The following CUX1 variants were observed in gnomAD, a reference collection of about 807,000 sequenced individuals.
The protein encoded by CUX1 is protein CASP.
Under a neutral mutation model 158.8 loss-of-function variants are expected in CUX1, and 31 were observed. The observed-to-expected ratio is 0.20, with a 90% CI of 0.15 to 0.26. The LOEUF is 0.26. Ranked by LOEUF, CUX1 falls within the 10% of genes least tolerant of loss-of-function variation. CUX1 has a pLI of 1.00. For synonymous variants in CUX1, 879 were observed against 862.1 expected, an observed-to-expected ratio of 1.02 and a Z score of -0.34; for missense variants, 1,589 against 2,014.6, an observed-to-expected ratio of 0.79 and a Z score of 4.04.
chr7:101,955,470 G>A (rs2129165501), intron 2 of CUX1, among the ~76,000 whole-genome samples: 1 of 152,306 alleles, frequency 6.6e-6, no homozygotes, highest in African/African-American at 2.4e-5. Flanking sequence ...CATTCAGCCA[G>A]AGAGTAACCG....
At chr7:102,151,422 G>T (rs1035262991) in intron 8 of CUX1, among the ~76,000 whole-genome samples, 1 of 151,990 alleles carries the variant, frequency 6.6e-6, no homozygotes, top group Non-Finnish European at 1.5e-5. Context: ...GTGTGGTGGC[G>T]CATACCTGTA....
At chr7:102,048,425 C>T (rs889695061) in intron 3 of CUX1, among the ~76,000 whole-genome samples, 3 of 152,282 alleles carry the variant, frequency 2.0e-5, no homozygotes, top group African/African-American at 4.8e-5. Context: ...CAGGGTCACT[C>T]GGTTGGAAGG....
Position 102,178,609 on chromosome 7 carries a change from G to A in CUX1, c.969G>A (p.Gln323=). 6.2e-7 allele frequency: 1 copy of A among 1,611,742 alleles called. No individual in the cohort carries two copies. Among genetic ancestry groups the A allele is most frequent in the Non-Finnish European group, 8.5e-7 (1 of 1,178,946 alleles). The change falls in exon 11 of 24, where the codon CAG becomes CAA. Residue 323 remains glutamine, a synonymous_variant. Coordinates refer to ENST00000292535, the MANE Select transcript of CUX1 (RefSeq NM_181552.4). ...AGCTGCGGGAGAATTCGGCCAGCCA[G>A]ATCTCACAGCTTGAGCAGCAGCTGA... The part of the protein sequence containing the change: ...LTKLRENSAS[Q]ISQLEQQLSA...
chr7:101,821,109 T>G (rs1315179617), intron 1 of CUX1, among the ~76,000 whole-genome samples: 2 of 152,194 alleles, frequency 1.3e-5, no homozygotes, highest in East Asian at 3.8e-4. Flanking sequence ...ATTTAATATC[T>G]GCATTGTTAT....
chr7:102,093,224 T>C (rs1828822895), intron 4 of CUX1, among the ~76,000 whole-genome samples: 1 of 76,616 alleles, frequency 1.3e-5, no homozygotes, highest in Non-Finnish European at 2.6e-5. Context: ...ACCCTATCTC[T>C]TTAAAAAAAA....
chr7:101,980,573 G>GA (rs1483014163), intron 2 of CUX1, among the ~76,000 whole-genome samples: 3 of 152,162 alleles, frequency 2.0e-5, no homozygotes, highest in African/African-American at 2.4e-5. Context: ...GCACTTGAGT[G>GA]AAAAATGACA....
chr7:101,947,346 A>ATCATGCCGCTGCAGTGAGCCGTGT (rs1808510771), intron 2 of CUX1, among the ~76,000 whole-genome samples: 1 of 152,190 alleles, frequency 6.6e-6, no homozygotes, highest in Non-Finnish European at 1.5e-5. Context: ...GTGAGCCGTG[A>ATCATGCCGCTGCAGTGAGCCGTGT]TCATGCCACT....
chr7:102,025,200 CT>C (rs1819842981), intron 2 of CUX1, among the ~76,000 whole-genome samples: 1 of 152,190 alleles, frequency 6.6e-6, no homozygotes. Context: ...CTCATGATCC[CT>C]GACATAATCC....
At chr7:101,944,406 A>G (rs1317611548) in intron 2 of CUX1, among the ~76,000 whole-genome samples, 2 of 152,214 alleles carry the variant, frequency 1.3e-5, no homozygotes, top group African/African-American at 4.8e-5. Context: ...CAGCAGTAAG[A>G]CATAAACCTA....
Position 102,249,096 on chromosome 7 carries a change from G to T in CUX1, c.*54G>T. 1 of 1,211,670 alleles carries T rather than the reference G, an allele frequency of 8.3e-7. No homozygotes were observed. The highest frequency in any genetic ancestry group is 2.8e-4 in the Middle Eastern group (1 of 3,522). 75.1% of individuals were successfully genotyped at this position (1,211,670 alleles called of 1,614,324 possible). On this transcript the variant is annotated 3_prime_UTR_variant, in exon 24 of 24. Coordinates refer to ENST00000292535, the MANE Select transcript of CUX1 (RefSeq NM_181552.4). ...GGCTGGGCCGCAAGGGCCTGGACGGGGTCGGACGGGGCAGGCGCTGCGGAC... is the reference window on the plus strand; with the variant it reads ...GGCTGGGCCGCAAGGGCCTGGACGGTGTCGGACGGGGCAGGCGCTGCGGAC...
chr7:102,084,039 C>T lies in CUX1; in HGVS notation c.269-13325C>T, dbSNP rs571867078. 2.7e-5 allele frequency among the ~76,000 whole-genome samples: 4 copies of T among 145,834 alleles called. No individual in the cohort carries two copies. In the South Asian group the frequency reaches 6.6e-4, roughly 24 times the overall value. On this transcript the variant is annotated intron_variant, in intron 4 of 23. Transcript: ENST00000292535. ...TAGCTGGGACTACAGGTGCCTGCCA[C>T]CACACCCAGCTAATTTTTGTATTTT...
intron 1 of CUX1, among the ~76,000 whole-genome samples, chr7:101,881,835 T>C (rs1034335035): frequency 6.6e-6 from 1 of 152,080 alleles, no homozygotes; most frequent in Non-Finnish European, 1.5e-5. Flanking sequence ...ATGCTATTGG[T>C]TTATTCCTGT....
At chr7:101,894,071 C>G (rs773862176) in intron 1 of CUX1, among the ~76,000 whole-genome samples, 13 of 152,208 alleles carry the variant, frequency 8.5e-5, no homozygotes, top group Admixed American at 5.2e-4. Context: ...ACTGTGTTGT[C>G]TGGGCCCGCA....
intron 2 of CUX1, among the ~76,000 whole-genome samples, chr7:101,974,178 C>CA (rs1585140915): frequency 6.6e-6 from 1 of 151,292 alleles, no homozygotes; most frequent in East Asian, 1.9e-4. Flanking sequence ...GTAATGCTCT[C>CA]ACCTCAGCCT....
intron 2 of CUX1, among the ~76,000 whole-genome samples, chr7:101,934,849 G>T (rs373023480): frequency 6.6e-6 from 1 of 152,108 alleles, no homozygotes; most frequent in Admixed American, 6.5e-5. Flanking sequence ...GTAAACTTTC[G>T]GGTTTTTTTC....
chr7:102,021,745 G>C (rs1166852801), intron 2 of CUX1, among the ~76,000 whole-genome samples: 1 of 150,644 alleles, frequency 6.6e-6, no homozygotes, highest in East Asian at 1.9e-4. Flanking sequence ...TTTGTTAGTA[G>C]AGATGGGGTT....
At chr7:102,216,530 C>T (rs71540931) in intron 20 of CUX1, among the ~76,000 whole-genome samples, 35,334 of 83,848 alleles carry the variant, frequency 0.42, 7,042 homozygotes, top group East Asian at 0.83. Context: ...ACACACTCTC[C>T]CCCCCACACA....
intron 1 of CUX1, among the ~76,000 whole-genome samples, chr7:101,911,993 G>T (rs1057189105): frequency 6.6e-6 from 1 of 152,210 alleles, no homozygotes; most frequent in Non-Finnish European, 1.5e-5. Context: ...TCTCAGCCTC[G>T]TTGGAAGTGC....
chr7:102,122,518 G>A (rs1180877823), intron 8 of CUX1, among the ~76,000 whole-genome samples: 1 of 152,056 alleles, frequency 6.6e-6, no homozygotes, highest in Non-Finnish European at 1.5e-5. Flanking sequence ...GAGCCCTGAA[G>A]GATTTTCCTT....
Sources: gnomAD v4.1 joint callset for allele counts (sites outside exome capture counted in the v4.1 genomes callset) on GRCh38, gnomAD v4.1.1 for gene constraint, MANE v1.5 for transcripts, NCBI Gene and HGNC (gene_info 2026-07-23, HGNC 2026-07-21) for gene names.